EBF1: variants seen among roughly 807,000 people sequenced by gnomAD.
The protein encoded by EBF1 is transcription factor COE1.
Under a neutral mutation model 68.4 loss-of-function variants are expected in EBF1, and 10 were observed. That is an observed-to-expected ratio of 0.15 (90% CI 0.09 to 0.25). EBF1 has a LOEUF of 0.25. EBF1 is among the 10% of genes least tolerant of loss of function. The pLI, the probability that EBF1 is intolerant of heterozygous loss-of-function variation, is 1.00. For synonymous variants in EBF1, 298 were observed against 299.8 expected (o/e 0.99, Z 0.06); for missense variants, 509 against 794.4 (o/e 0.64, Z 4.32).
chr5:158,954,294 C>T (rs780719941), intron 6 of EBF1, among the ~76,000 whole-genome samples: 2 of 152,160 alleles, frequency 1.3e-5, no homozygotes, highest in African/African-American at 2.4e-5. Flanking sequence ...GGCAGTAGGC[C>T]GTTTACCCAG....
chr5:158,702,346 G>A (rs1365390888), intron 15 of EBF1, among the ~76,000 whole-genome samples: 2 of 152,128 alleles, frequency 1.3e-5, no homozygotes, highest in Non-Finnish European at 2.9e-5. Flanking sequence ...CCCAAGTGGA[G>A]TGCATAAAGA....
In EBF1 at chr5:159,079,575, C is replaced by T. The variant is rs989530775; in HGVS notation, c.485+5091G>A. Among the ~76,000 whole-genome samples the T allele has an allele frequency of 2.0e-5, 3 of 151,602 alleles. No individual in the cohort carries two copies. The South Asian group carries it at 6.2e-4, about 32-fold the overall frequency. On this transcript the variant is annotated intron_variant, in intron 5 of 15. Coordinates refer to ENST00000313708, the MANE Select transcript of EBF1 (RefSeq NM_024007.5). ...CTCTCTAGCACTTATTATATGACTC[C>T]CCCTCTTTGAAACACCCTCCTTTTA...
chr5:158,892,492 C>A (rs1287334021), intron 6 of EBF1, among the ~76,000 whole-genome samples: 1 of 152,034 alleles, frequency 6.6e-6, no homozygotes, highest in East Asian at 1.9e-4. Context: ...AACCAAAGAT[C>A]TCAAATCCAA....
intron 6 of EBF1, among the ~76,000 whole-genome samples, chr5:158,944,530 C>T (rs1225822855): frequency 2.0e-5 from 3 of 152,140 alleles, no homozygotes; most frequent in African/African-American, 7.2e-5. Flanking sequence ...AATAAACATA[C>T]GTGTGCATGT....
intron 6 of EBF1, among the ~76,000 whole-genome samples, chr5:158,933,485 G>C (rs765631234): frequency 6.6e-6 from 1 of 152,134 alleles, no homozygotes; most frequent in East Asian, 1.9e-4. Context: ...GAGATGCTCA[G>C]AAAAATAATA....
At chr5:158,704,805 G>C (rs1307217255) in intron 15 of EBF1, among the ~76,000 whole-genome samples, 2 of 152,206 alleles carry the variant, frequency 1.3e-5, no homozygotes, top group Non-Finnish European at 2.9e-5. Flanking sequence ...AGGCTAAAGA[G>C]GCAAGTCCCA....
intron 6 of EBF1, among the ~76,000 whole-genome samples, chr5:158,970,044 T>C (rs969651200): frequency 6.6e-6 from 1 of 152,138 alleles, no homozygotes; most frequent in African/African-American, 2.4e-5. Flanking sequence ...ACCTAACCCG[T>C]ACTACAGCCA....
intron 9 of EBF1, among the ~76,000 whole-genome samples, chr5:158,784,356 T>C (rs1777010287): frequency 6.6e-6 from 1 of 152,230 alleles, no homozygotes; most frequent in Admixed American, 6.5e-5. Flanking sequence ...CTGGTACATG[T>C]ACTTTGCATC....
In EBF1 at chr5:158,779,709, T is replaced by C. The variant is rs990255795; in HGVS notation, c.910-2170A>G. On this transcript the variant is annotated intron_variant, in intron 9 of 15. Transcript: ENST00000313708. ...TAAATTTTAAAAGATGGAAAGATATTAGTAAATAGATGGATGAAGATTCTT... is the reference window on the plus strand; with the variant it reads ...TAAATTTTAAAAGATGGAAAGATATCAGTAAATAGATGGATGAAGATTCTT... Among the ~76,000 whole-genome samples, 5 of 152,172 alleles carry C rather than the reference T, an allele frequency of 3.3e-5. No individual in the cohort carries two copies. The South Asian group carries it at 6.2e-4, about 19-fold the overall frequency.
chr5:159,028,758 A>G (rs1768197436), intron 6 of EBF1, among the ~76,000 whole-genome samples: 1 of 152,150 alleles, frequency 6.6e-6, no homozygotes, highest in Non-Finnish European at 1.5e-5. Flanking sequence ...GAAGGTTGGA[A>G]GGAAAGGAGG....
intron 6 of EBF1, among the ~76,000 whole-genome samples, chr5:158,947,568 GA>G (rs1815053594): frequency 6.6e-6 from 1 of 152,194 alleles, no homozygotes; most frequent in Non-Finnish European, 1.5e-5. Context: ...ATCTCAGTTG[GA>G]AATGCAGAAA....
chr5:158,712,102 C>G (rs1300644442), intron 14 of EBF1, 52 bp downstream of exon 14: 2 of 1,598,676 alleles, frequency 1.3e-6, no homozygotes, highest in Non-Finnish European at 1.7e-6. Flanking sequence ...GGCATGATGC[C>G]AAGTTCTTCT....
intron 6 of EBF1, among the ~76,000 whole-genome samples, chr5:159,068,850 G>A (rs533256318): frequency 5.3e-5 from 8 of 152,118 alleles, no homozygotes; most frequent in South Asian, 4.1e-4. Flanking sequence ...AGACCCTTGC[G>A]TAAGTGTGAC....
intron 6 of EBF1, among the ~76,000 whole-genome samples, chr5:158,920,135 G>T (rs1259773702): frequency 2.0e-5 from 3 of 151,940 alleles, no homozygotes; most frequent in Non-Finnish European, 2.9e-5. Flanking sequence ...TTCCAAAAAA[G>T]GTGCTCATTA....
chr5:158,712,340 G>C lies in EBF1; in HGVS notation c.1370-7C>G. 1 of 1,613,162 alleles carries C rather than the reference G, an allele frequency of 6.2e-7. No homozygotes were observed. The highest frequency in any genetic ancestry group is 8.5e-7 in the Non-Finnish European group (1 of 1,179,460). The stretch of plus-strand genomic sequence containing the variant: ...CTTGAGTTGCGGGTGAAACCTGAGG[G>C]GCGGGGGCAAAACCGGAGGTGAGGG... On this transcript the variant is annotated splice_polypyrimidine_tract_variant and splice_region_variant and intron_variant, in intron 13 of 15. Coordinates refer to ENST00000313708, the MANE Select transcript of EBF1 (RefSeq NM_024007.5).
rs575699222 is a variant in EBF1, at chr5:158,817,950, G to A, written c.778+5226C>T. On this transcript the variant is annotated intron_variant, in intron 8 of 15. Transcript: ENST00000313708. ...CAGAGGAAGGGTTCTATTAGAAAAT[G>A]CCAGTGGATTTCTCTGTTCCCAGGA... Among the ~76,000 whole-genome samples, 8 of 152,304 alleles carry A rather than the reference G, an allele frequency of 5.3e-5. No individual in the cohort carries two copies. The South Asian group carries it at 1.5e-3, about 28-fold the overall frequency.
chr5:159,007,542 A>C (rs1297795030), intron 6 of EBF1, among the ~76,000 whole-genome samples: 1 of 152,190 alleles, frequency 6.6e-6, no homozygotes, highest in African/African-American at 2.4e-5. Flanking sequence ...TGTGCACATG[A>C]AAATTTGGTT....
At chr5:159,072,310 T>C (rs1269606375) in intron 6 of EBF1, among the ~76,000 whole-genome samples, 2 of 152,244 alleles carry the variant, frequency 1.3e-5, no homozygotes, top group African/African-American at 4.8e-5. Flanking sequence ...AATCGATCTT[T>C]TGGCATAAAT....
At chr5:159,055,894 T>C (rs892413203) in intron 6 of EBF1, among the ~76,000 whole-genome samples, 4 of 152,222 alleles carry the variant, frequency 2.6e-5, no homozygotes, top group Non-Finnish European at 5.9e-5. Context: ...TTTTATATAG[T>C]AGATGCTTCA....
Sources: gnomAD v4.1 joint callset for allele counts (sites outside exome capture counted in the v4.1 genomes callset) on GRCh38, gnomAD v4.1.1 for gene constraint, MANE v1.5 for transcripts, NCBI Gene and HGNC (gene_info 2026-07-23, HGNC 2026-07-21) for gene names.